PCDHGA10: variants seen among roughly 807,000 people sequenced by gnomAD.
The protein encoded by PCDHGA10 is protocadherin gamma subfamily A, 10.
A neutral mutation model predicts 59.5 loss-of-function variants in PCDHGA10; 42 were observed. That is an observed-to-expected ratio of 0.71 (90% CI 0.55 to 0.91). The LOEUF is 0.91. Ranked by LOEUF, PCDHGA10 falls within the 40% of genes least tolerant of loss-of-function variation. PCDHGA10 has a pLI of 0.00. For missense variants in PCDHGA10, 1,111 were observed against 1,198.2 expected (o/e 0.93, Z 1.07); for synonymous variants, 511 against 517.2 (o/e 0.99, Z 0.16).
chr5:141,437,331 A>T (rs2097876062), intron 1 of PCDHGA10, among the ~76,000 whole-genome samples: 1 of 152,244 alleles, frequency 6.6e-6, no homozygotes, highest in South Asian at 2.1e-4. Context: ...TAAAATTTGT[A>T]GCTTCACTGT....
intron 1 of PCDHGA10, among the ~76,000 whole-genome samples, chr5:141,454,343 A>G (rs1161350416): frequency 2.6e-5 from 4 of 152,248 alleles, no homozygotes; most frequent in African/African-American, 7.2e-5. Flanking sequence ...AAATGTTGGA[A>G]GTTGATCCAA....
At position 141,415,029 on chromosome 5, in the gene PCDHGA10, G is replaced by C. The variant is rs777967290; in HGVS notation, c.1854G>C (p.Pro618=). 1 of 1,613,552 alleles carries C rather than the reference G, an allele frequency of 6.2e-7. No individual in the cohort carries two copies. The highest frequency in any genetic ancestry group is 1.1e-5 in the South Asian group (1 of 91,066). The change falls in exon 1 of 4, where the codon CCG becomes CCC. Residue 618 remains proline, a synonymous_variant. Transcript: ENST00000398610. ...ACCGTCTGCTCAAGGCCAGCGAGCC[G>C]GGACTCTTCGCGGTGGGGGAGCACA... ...LSYRLLKASE[P]GLFAVGEHTG...
rs772962568 is a variant in PCDHGA10, at chr5:141,476,311, G to A, written c.2437-18496G>A. The stretch of plus-strand genomic sequence containing the variant: ...ATCTCGGTAGCCTCTCAGCCCGCAG[G>A]TTCCGGGTGGTGTCTGGAGCTAGCC... On this transcript the variant is annotated intron_variant, in intron 1 of 3. Transcript: ENST00000398610. The surrounding 1 kb of genome is among the most constrained non-coding windows in gnomAD (Gnocchi z 7.6). 13 of 1,613,680 alleles carry A rather than the reference G, an allele frequency of 8.1e-6. No individual in the cohort carries two copies. The African/African-American group carries it at 1.5e-4, about 18-fold the overall frequency.
Position 141,476,819 on chromosome 5 carries a change from C to T in PCDHGA10, c.2437-17988C>T. ...CAGCCTGCCTATTCACATCAAGGTGCTGGACGCGAATGACAATGCGCCTGT... is the reference window on the plus strand; with the variant it reads ...CAGCCTGCCTATTCACATCAAGGTGTTGGACGCGAATGACAATGCGCCTGT... On this transcript the variant is annotated intron_variant, in intron 1 of 3. Coordinates refer to ENST00000398610, the MANE Select transcript of PCDHGA10 (RefSeq NM_018913.3). The surrounding 1 kb of genome is among the most constrained non-coding windows in gnomAD (Gnocchi z 7.6). 6.2e-7 allele frequency: 1 copy of T among 1,613,524 alleles called. No homozygotes were observed. The highest frequency in any genetic ancestry group is 8.5e-7 in the Non-Finnish European group (1 of 1,180,036).
intron 1 of PCDHGA10, chr5:141,419,629 G>T: frequency 6.2e-7 from 1 of 1,612,444 alleles, no homozygotes; most frequent in Non-Finnish European, 8.5e-7. Context: ...TGGTGACCAA[G>T]GTGGTGGCCG....
rs1472806327 is a variant in PCDHGA10 at position 141,447,891 on chromosome 5, G to C, written c.2436+32280G>C. Among the ~76,000 whole-genome samples the C allele has an allele frequency of 1.3e-5, 2 of 152,080 alleles. 1 individual carries two copies. Among genetic ancestry groups the C allele is most frequent in the African/African-American group, 4.8e-5 (2 of 41,408 alleles). On this transcript the variant is annotated intron_variant, in intron 1 of 3. Coordinates refer to ENST00000398610, the MANE Select transcript of PCDHGA10 (RefSeq NM_018913.3). Reference sequence around the variant, plus strand: ...ATCTGAGGTCAGGAGTTCGAGACCAGCCTGGCCAACATGGTGAAACTCTGT... The same window carrying C: ...ATCTGAGGTCAGGAGTTCGAGACCACCCTGGCCAACATGGTGAAACTCTGT...
At chr5:141,502,494 A>G (rs928571740) in intron 2 of PCDHGA10, among the ~76,000 whole-genome samples, 2 of 152,180 alleles carry the variant, frequency 1.3e-5, no homozygotes, top group South Asian at 2.1e-4. Context: ...GGACTCATCT[A>G]ACGTCGGCCT....
intron 1 of PCDHGA10, among the ~76,000 whole-genome samples, chr5:141,484,645 T>C (rs948669787): frequency 1.3e-5 from 2 of 151,970 alleles, no homozygotes; most frequent in Admixed American, 6.6e-5. Context: ...CACTCTCCAA[T>C]GGCTACTCTC....
intron 1 of PCDHGA10, among the ~76,000 whole-genome samples, chr5:141,494,392 A>C (rs1296077484): frequency 1.3e-5 from 2 of 152,258 alleles, no homozygotes; most frequent in East Asian, 3.9e-4. Flanking sequence ...GAGTTGAATA[A>C]ATTCATTCTA....
intron 1 of PCDHGA10, chr5:141,429,167 T>TAC (rs1357037045): frequency 6.6e-5 from 9 of 136,102 alleles, no homozygotes; most frequent in African/African-American, 8.8e-5. Context: ...AGACATTGTT[T>TAC]ATACACACAC....
chr5:141,491,685 G>A lies in PCDHGA10; in HGVS notation c.2437-3122G>A. 1 of 1,613,164 alleles carries A rather than the reference G, an allele frequency of 6.2e-7. No individual in the cohort carries two copies. The highest frequency in any genetic ancestry group is 8.5e-7 in the Non-Finnish European group (1 of 1,179,646). On this transcript the variant is annotated intron_variant, in intron 1 of 3. Transcript: ENST00000398610. The surrounding 1 kb of genome is among the most constrained non-coding windows in gnomAD (Gnocchi z 6.9). ...CCATCCGGTCCCGCTCTAATACGCTGCGGGAGCGGAGCCAGGTGAGGGGCT... is the reference window on the plus strand; with the variant it reads ...CCATCCGGTCCCGCTCTAATACGCTACGGGAGCGGAGCCAGGTGAGGGGCT...
chr5:141,459,406 A>C (rs2098967498), intron 1 of PCDHGA10, among the ~76,000 whole-genome samples: 1 of 152,218 alleles, frequency 6.6e-6, no homozygotes, highest in Admixed American at 6.5e-5. Flanking sequence ...GCAGTATTGC[A>C]TTGTGTGGAT....
intron 1 of PCDHGA10, 141 bp downstream of exon 1, chr5:141,415,752 T>TG: frequency 1.6e-5 from 22 of 1,372,540 alleles, no homozygotes; most frequent in Middle Eastern, 2.6e-4. Flanking sequence ...TTTTTTTTTT[T>TG]TTTTTTTTTT....
rs556484142 is a variant in PCDHGA10 at position 141,503,243 on chromosome 5, CA to C, written c.2496-2149del. On this transcript the variant is annotated intron_variant, in intron 2 of 3. Coordinates refer to ENST00000398610, the MANE Select transcript of PCDHGA10 (RefSeq NM_018913.3). ...CACCGTAAAGATGGACAGTTTCTAT[CA>C]TACTCACAGCCACAACCCCAGCACC... Among the ~76,000 whole-genome samples, 232 of 152,196 alleles carry C rather than the reference CA, an allele frequency of 1.5e-3. 2 individuals carry two copies. Among genetic ancestry groups the C allele is most frequent in the African/African-American group, 5.3e-3 (219 of 41,516 alleles).
intron 1 of PCDHGA10, among the ~76,000 whole-genome samples, chr5:141,467,628 CA>C (rs1301043003): frequency 6.6e-6 from 1 of 152,106 alleles, no homozygotes; most frequent in Non-Finnish European, 1.5e-5. Context: ...TTTGAGATAG[CA>C]TCTTTATCAT....
chr5:141,432,362 C>T lies in PCDHGA10; in HGVS notation c.2436+16751C>T. On this transcript the variant is annotated intron_variant, in intron 1 of 3. Transcript: ENST00000398610. The surrounding 1 kb of genome is among the most constrained non-coding windows in gnomAD (Gnocchi z 6.0). ...AGACTTGCAAGTGAAAGTGATGGCG[C>T]GGGACAACGGGCACCCGCCCCTCAG... 2 of 1,614,218 alleles carry T rather than the reference C, an allele frequency of 1.2e-6. No homozygotes were observed. Among genetic ancestry groups the T allele is most frequent in the South Asian group, 2.2e-5 (2 of 91,082 alleles).
chr5:141,453,050 C>A (rs2098754757), intron 1 of PCDHGA10, among the ~76,000 whole-genome samples: 3 of 152,006 alleles, frequency 2.0e-5, no homozygotes, highest in Non-Finnish European at 4.4e-5. Context: ...CTATTATGTG[C>A]AGTTTTAGAG....
At chr5:141,472,980 CAAA>C (rs60579131) in intron 1 of PCDHGA10, among the ~76,000 whole-genome samples, 10 of 86,092 alleles carry the variant, frequency 1.2e-4, no homozygotes, top group Non-Finnish European at 1.2e-4. Context: ...GAGTGAAACT[CAAA>C]AAAAAAAAAA....
rs1421497518 is a variant in PCDHGA10 at position 141,431,979 on chromosome 5, A to G, written c.2436+16368A>G. ...GGAAATTACTATAGTTTAGTCACAGACATAGTCTTGGATAGGGAACAGGTT... is the reference window on the plus strand; with the variant it reads ...GGAAATTACTATAGTTTAGTCACAGGCATAGTCTTGGATAGGGAACAGGTT... On this transcript the variant is annotated intron_variant, in intron 1 of 3. Coordinates refer to ENST00000398610, the MANE Select transcript of PCDHGA10 (RefSeq NM_018913.3). This position sits in a 1 kb window ranked among gnomAD's most constrained non-coding sequence, Gnocchi z 4.8. 6.2e-7 allele frequency: 1 copy of G among 1,614,078 alleles called. No homozygotes were observed. The highest frequency in any genetic ancestry group is 1.3e-5 in the African/African-American group (1 of 74,932).
Sources: allele counts gnomAD v4.1 joint callset (sites outside exome capture counted in the v4.1 genomes callset), GRCh38; gene constraint gnomAD v4.1.1; non-coding constraint Gnocchi (gnomAD v3.1); transcripts MANE v1.5; gene names NCBI Gene and HGNC (gene_info 2026-07-23, HGNC 2026-07-21).